The following PIK3C2G variants were observed in gnomAD, a reference collection of about 807,000 sequenced individuals.
PIK3C2G encodes the protein phosphatidylinositol 3-kinase C2 domain-containing subunit gamma.
In PIK3C2G, 168 loss-of-function variants were observed where a neutral mutation model predicts 181.1. The ratio of observed to expected loss-of-function variants is 0.93; its 90% CI spans 0.82 to 1.05. The LOEUF is 1.05. Ranked by LOEUF, PIK3C2G falls within the 50% of genes least tolerant of loss-of-function variation. The pLI is 0.00. For synonymous variants in PIK3C2G, 573 were observed against 592.2 expected (o/e 0.97, Z 0.47); for missense variants, 1,869 against 1,732.8 (o/e 1.08, Z -1.40).
intron 15 of PIK3C2G, among the ~76,000 whole-genome samples, chr12:18,392,106 T>C (rs1377577402): frequency 2.0e-5 from 3 of 152,080 alleles, no homozygotes; most frequent in Non-Finnish European, 4.4e-5. Flanking sequence ...CAAGAGGCCA[T>C]GATGGCTAGA....
intron 26 of PIK3C2G, among the ~76,000 whole-genome samples, chr12:18,550,717 G>C (rs913290581): frequency 2.0e-5 from 3 of 151,790 alleles, no homozygotes; most frequent in African/African-American, 4.8e-5. Context: ...ACTGTTTATT[G>C]TGATACAACT....
At chr12:18,598,619 A>G (rs1947515184) in intron 30 of PIK3C2G, among the ~76,000 whole-genome samples, 1 of 150,150 alleles carries the variant, frequency 6.7e-6, no homozygotes, top group African/African-American at 2.4e-5. Context: ...CACCAAAAGC[A>G]ATGGCAACAA....
intron 24 of PIK3C2G, among the ~76,000 whole-genome samples, chr12:18,535,642 T>G (rs1259709287): frequency 6.6e-6 from 1 of 152,096 alleles, no homozygotes; most frequent in Non-Finnish European, 1.5e-5. Flanking sequence ...TGTAAAAAAT[T>G]AATACTCTTC....
the PIK3C2G span, among the ~76,000 whole-genome samples, chr12:18,665,747 C>A: frequency 5.7e-4 from 87 of 152,058 alleles, no homozygotes; most frequent in African/African-American, 2.0e-3. Flanking sequence ...CCATCCTGGA[C>A]CACATGGTGA....
chr12:18,643,200 A>G (rs1949929106), intron 32 of PIK3C2G, among the ~76,000 whole-genome samples: 1 of 152,184 alleles, frequency 6.6e-6, no homozygotes, highest in Admixed American at 6.6e-5. Context: ...TGCTGTGCAC[A>G]TAACTTTTCT....
At chr12:18,634,459 A>G (rs1233519463) in intron 31 of PIK3C2G, among the ~76,000 whole-genome samples, 1 of 152,190 alleles carries the variant, frequency 6.6e-6, no homozygotes, top group Non-Finnish European at 1.5e-5. Flanking sequence ...TGCACAAGGA[A>G]CGCAAATCCA....
chr12:18,355,318 C>T (rs11044045), intron 11 of PIK3C2G, among the ~76,000 whole-genome samples: 22,156 of 152,150 alleles, frequency 0.15, 2,047 homozygotes, highest in South Asian at 0.37. Flanking sequence ...GCCTCCCTAT[C>T]GTAAGCAGAG....
At chr12:18,318,931 CA>C (rs1253391982) in intron 6 of PIK3C2G, among the ~76,000 whole-genome samples, 2 of 151,664 alleles carry the variant, frequency 1.3e-5, no homozygotes, top group African/African-American at 2.4e-5. Flanking sequence ...CCCATCTATA[CA>C]AAAATAGCCA....
chr12:18,539,428 A>G (rs1565488768), intron 25 of PIK3C2G, among the ~76,000 whole-genome samples: 1 of 151,886 alleles, frequency 6.6e-6, no homozygotes, highest in Non-Finnish European at 1.5e-5. Context: ...GTAGACTTCA[A>G]TTCATTTATG....
At chr12:18,314,940 TAC>T (rs1950797725) in intron 6 of PIK3C2G, among the ~76,000 whole-genome samples, 1 of 152,232 alleles carries the variant, frequency 6.6e-6, no homozygotes, top group East Asian at 1.9e-4. Flanking sequence ...GCTTTGACGA[TAC>T]AGTTTCATGC....
chr12:18,332,997 T>G (rs977119482), intron 8 of PIK3C2G, among the ~76,000 whole-genome samples: 19 of 152,152 alleles, frequency 1.2e-4, no homozygotes, highest in African/African-American at 4.6e-4. Flanking sequence ...TATTCCAAAC[T>G]GACATGCTAG....
chr12:18,524,563 CTTT>C (rs112957471), intron 24 of PIK3C2G, among the ~76,000 whole-genome samples: 76 of 140,344 alleles, frequency 5.4e-4, no homozygotes, highest in African/African-American at 1.9e-3. Flanking sequence ...CCTCAGTTTT[CTTT>C]TTTTTTTTTT....
intron 31 of PIK3C2G, among the ~76,000 whole-genome samples, chr12:18,616,859 A>G (rs1658689976): frequency 6.6e-6 from 1 of 152,202 alleles, no homozygotes; most frequent in African/African-American, 2.4e-5. Flanking sequence ...CATTAGAACT[A>G]TATTTTGAAT....
At chr12:18,604,656 C>T (rs1307517218) in intron 30 of PIK3C2G, among the ~76,000 whole-genome samples, 1 of 152,108 alleles carries the variant, frequency 6.6e-6, no homozygotes, top group Non-Finnish European at 1.5e-5. Context: ...ATAAAATGAG[C>T]CTCAATAAAG....
chr12:18,722,305 A>C, the PIK3C2G span, among the ~76,000 whole-genome samples: 1 of 152,046 alleles, frequency 6.6e-6, no homozygotes, highest in Admixed American at 6.6e-5. Context: ...CCTCCAACCC[A>C]TCAGGAATTC....
chr12:18,680,719 C>T, the PIK3C2G span, among the ~76,000 whole-genome samples: 1 of 152,028 alleles, frequency 6.6e-6, no homozygotes, highest in Non-Finnish European at 1.5e-5. Flanking sequence ...TTGCTCACTA[C>T]AAAAGGAGAC....
rs897326134 is a variant in PIK3C2G, at chr12:18,481,645, G to GT, written c.2505-6795dup. ...TAATAACCTATTGCAAAAGAAACAAGTTTTTTTTTAAATACAATTCATTGC... is the reference window on the plus strand; with the variant it reads ...TAATAACCTATTGCAAAAGAAACAAGTTTTTTTTTTAAATACAATTCATTGC... On this transcript the variant is annotated intron_variant, in intron 18 of 32. Coordinates refer to ENST00000538779, the MANE Select transcript of PIK3C2G (RefSeq NM_001288772.2). Among the ~76,000 whole-genome samples the GT allele has an allele frequency of 2.5e-4, 38 of 151,724 alleles. 1 individual carries two copies. Among genetic ancestry groups the GT allele is most frequent in the African/African-American group, 5.6e-4 (23 of 41,380 alleles).
chr12:18,701,790 T>C, the PIK3C2G span: 1 of 1,588,368 alleles, frequency 6.3e-7, no homozygotes, highest in Non-Finnish European at 8.6e-7. Context: ...AGGAAACAAT[T>C]TGAGAGATAC....
intron 28 of PIK3C2G, among the ~76,000 whole-genome samples, chr12:18,565,503 G>A (rs553185785): frequency 1.3e-5 from 2 of 152,132 alleles, no homozygotes; most frequent in Non-Finnish European, 2.9e-5. Context: ...CAAAATATTG[G>A]TGTTGGTATT....
Sources: allele counts gnomAD v4.1 joint callset (sites outside exome capture counted in the v4.1 genomes callset), GRCh38; gene constraint gnomAD v4.1.1; transcripts MANE v1.5; gene names NCBI Gene and HGNC (gene_info 2026-07-23, HGNC 2026-07-21).